Variants in TENM3 observed in about 807,000 individuals in gnomAD.
TENM3 encodes teneurin transmembrane protein 3.
In TENM3, 63 loss-of-function variants were observed where a neutral mutation model predicts 255.1. The ratio of observed to expected loss-of-function variants is 0.25; its 90% CI spans 0.20 to 0.30. The LOEUF is 0.30. TENM3 is among the 10% of genes least tolerant of loss of function. The pLI is 1.00. For synonymous variants in TENM3, 1,306 were observed against 1,322.3 expected (o/e 0.99, Z 0.27); for missense variants, 2,929 against 3,461.1 (o/e 0.85, Z 3.86).
At chr4:182,256,264 C>G (rs558043625) in intron 1 of TENM3, among the ~76,000 whole-genome samples, 23 of 152,148 alleles carry the variant, frequency 1.5e-4, no homozygotes, top group Non-Finnish European at 2.9e-5. Flanking sequence ...AAATTTGAAT[C>G]GATTATGGGC....
chr4:181,863,794 C>G, the TENM3 span, among the ~76,000 whole-genome samples: 1 of 152,228 alleles, frequency 6.6e-6, no homozygotes, highest in African/African-American at 2.4e-5. Context: ...CAGACTATTT[C>G]CATTTTCCAA....
intron 6 of TENM3, among the ~76,000 whole-genome samples, chr4:182,669,527 C>T (rs770754626): frequency 2.6e-4 from 39 of 152,214 alleles, no homozygotes; most frequent in Non-Finnish European, 4.7e-4. Context: ...TCCTCAGCCT[C>T]CCAAATTGCT....
chr4:181,780,420 C>G, the TENM3 span, among the ~76,000 whole-genome samples: 9 of 152,316 alleles, frequency 5.9e-5, no homozygotes, highest in African/African-American at 2.2e-4. Flanking sequence ...TGTCTCTTGG[C>G]TGCATAAATG....
At chr4:181,641,550 GTGTGTATATATATATATATATATA>G in the TENM3 span, among the ~76,000 whole-genome samples, 1,970 of 49,032 alleles carry the variant, frequency 0.04, 57 homozygotes, top group South Asian at 0.15. Context: ...TCCATGGTGT[GTGTGTATATATATATATATATATA>G]TATATATATA....
chr4:182,084,243 C>A, the TENM3 span, among the ~76,000 whole-genome samples: 1 of 152,142 alleles, frequency 6.6e-6, no homozygotes, highest in South Asian at 2.1e-4. Flanking sequence ...AGAATTAATT[C>A]TCATATGAAA....
the TENM3 span, among the ~76,000 whole-genome samples, chr4:181,961,793 T>C: frequency 6.6e-6 from 1 of 152,246 alleles, no homozygotes; most frequent in Non-Finnish European, 1.5e-5. Flanking sequence ...ACATGTTGGC[T>C]TATACAACTT....
intron 3 of TENM3, among the ~76,000 whole-genome samples, chr4:182,459,714 C>T (rs1188243055): frequency 6.6e-6 from 1 of 151,996 alleles, no homozygotes; most frequent in Non-Finnish European, 1.5e-5. Context: ...AAATTATTTG[C>T]TTTCATGCTG....
intron 12 of TENM3, among the ~76,000 whole-genome samples, chr4:182,709,007 G>A (rs1268088970): frequency 1.3e-5 from 2 of 151,966 alleles, no homozygotes; most frequent in Non-Finnish European, 1.5e-5. Context: ...TTTTGAGACA[G>A]AGTCTCACTT....
At chr4:181,678,083 T>G in the TENM3 span, among the ~76,000 whole-genome samples, 9 of 152,176 alleles carry the variant, frequency 5.9e-5, no homozygotes, top group Non-Finnish European at 1.3e-4. Flanking sequence ...TATTGAACAC[T>G]TACTGTGTGC....
In TENM3 at chr4:182,237,227, A is replaced by G. The variant is rs570078904; in HGVS notation, c.-75-86719A>G. ...TAGTATTCCATGGTGTATACGTACC[A>G]CATTTTCTTTATCCAGTCTGTCATT... is the stretch of plus-strand genomic sequence containing the variant. On this transcript the variant is annotated intron_variant, in intron 1 of 2. Coordinates refer to the TENM3 transcript ENST00000512480. Among the ~76,000 whole-genome samples, 5 of 152,290 alleles carry G rather than the reference A, an allele frequency of 3.3e-5. No homozygotes were observed. The East Asian group carries it at 7.7e-4, about 24-fold the overall frequency.
In TENM3 at chr4:182,799,218, C is replaced by T. The variant is rs1766716854; in HGVS notation, c.7345-378C>T. On this transcript the variant is annotated intron_variant, in intron 27 of 27. Transcript: ENST00000511685. This position sits in a 1 kb window ranked among gnomAD's most constrained non-coding sequence, Gnocchi z 4.2. ...CTCTCTGTGTTTGGTGGCTTCTCAG[C>T]CTCCTGTGGAGAAAGCTACGAGCAT... is the stretch of plus-strand genomic sequence containing the variant. Among the ~76,000 whole-genome samples, 1 of 152,216 alleles carries T rather than the reference C, an allele frequency of 6.6e-6. No homozygotes were observed. The highest frequency in any genetic ancestry group is 6.5e-5 in the Admixed American group (1 of 15,286).
chr4:182,042,786 A>G, the TENM3 span, among the ~76,000 whole-genome samples: 1 of 152,128 alleles, frequency 6.6e-6, no homozygotes, highest in African/African-American at 2.4e-5. Flanking sequence ...TTAACAGTCT[A>G]TGACAACAAC....
At chr4:182,302,600 A>C (rs2150375672) in intron 1 of TENM3, among the ~76,000 whole-genome samples, 1 of 152,306 alleles carries the variant, frequency 6.6e-6, no homozygotes, top group East Asian at 1.9e-4. Context: ...AGCCCAAAAT[A>C]ATGATAACAG....
the TENM3 span, among the ~76,000 whole-genome samples, chr4:181,964,410 G>A: frequency 6.6e-6 from 1 of 152,086 alleles, no homozygotes; most frequent in Non-Finnish European, 1.5e-5. Context: ...GATGACTCTA[G>A]CCTGAATGAG....
At chr4:181,814,157 A>G in the TENM3 span, among the ~76,000 whole-genome samples, 1 of 152,182 alleles carries the variant, frequency 6.6e-6, no homozygotes, top group Non-Finnish European at 1.5e-5. Context: ...AGTATATAAA[A>G]CAGCAATAAA....
At chr4:182,726,441 T>C (rs1172628077) in intron 13 of TENM3, among the ~76,000 whole-genome samples, 3 of 152,176 alleles carry the variant, frequency 2.0e-5, no homozygotes, top group Admixed American at 6.5e-5. Context: ...GATGGCTCCA[T>C]TCCCAGCAGC....
the TENM3 span, among the ~76,000 whole-genome samples, chr4:181,778,951 A>G: frequency 1.3e-5 from 2 of 152,180 alleles, no homozygotes; most frequent in African/African-American, 4.8e-5. Flanking sequence ...TCATTGCAGA[A>G]GAAGCAGAAG....
the TENM3 span, among the ~76,000 whole-genome samples, chr4:181,654,393 A>T: frequency 6.6e-6 from 1 of 152,162 alleles, no homozygotes; most frequent in African/African-American, 2.4e-5. Flanking sequence ...TGTGAAAAGG[A>T]TATGTGCTCT....
At chr4:182,323,394 GAAGA>G (rs781246261) in intron 1 of TENM3, among the ~76,000 whole-genome samples, 31 of 145,020 alleles carry the variant, frequency 2.1e-4, no homozygotes, top group Non-Finnish European at 2.4e-4. Flanking sequence ...TGTGCCCTCT[GAAGA>G]AAGAGTCTTT....
Sources: gnomAD v4.1 joint callset for allele counts (sites outside exome capture counted in the v4.1 genomes callset) on GRCh38, gnomAD v4.1.1 for gene constraint, Gnocchi (gnomAD v3.1) non-coding constraint, MANE v1.5 for transcripts, NCBI Gene and HGNC (gene_info 2026-07-23, HGNC 2026-07-21) for gene names.